Variants in RANBP2 observed in about 807,000 individuals in gnomAD.
RANBP2 encodes the protein E3 SUMO-protein ligase RanBP2.
Under a neutral mutation model 303.6 loss-of-function variants are expected in RANBP2, and 57 were observed. The ratio of observed to expected loss-of-function variants is 0.19; its 90% CI spans 0.15 to 0.23. The LOEUF is 0.23. Ranked by LOEUF, RANBP2 falls within the 10% of genes least tolerant of loss-of-function variation. The pLI, the probability that RANBP2 is intolerant of heterozygous loss-of-function variation, is 1.00. For synonymous variants in RANBP2, 1,167 were observed against 1,301.5 expected, an observed-to-expected ratio of 0.90 and a Z score of 2.23; for missense variants, 3,138 against 3,780.8, an observed-to-expected ratio of 0.83 and a Z score of 4.46.
the RANBP2 span, among the ~76,000 whole-genome samples, chr2:109,486,641 G>A: frequency 3.9e-5 from 6 of 152,288 alleles, no homozygotes; most frequent in East Asian, 1.9e-4. Context: ...GAAACAAAAC[G>A]CAGGTGGTGG....
the RANBP2 span, among the ~76,000 whole-genome samples, chr2:108,991,717 T>C: frequency 6.6e-5 from 10 of 152,200 alleles, no homozygotes; most frequent in African/African-American, 2.4e-4. Context: ...TAAAAAACAC[T>C]CAGGGGTTGG....
At chr2:109,794,725 C>G in the RANBP2 span, 1 of 602,066 alleles carries the variant, frequency 1.7e-6, no homozygotes, top group Non-Finnish European at 1.9e-6. Context: ...CTGTGGGCGG[C>G]GTGGCGCTTG....
chr2:109,567,874 G>C, the RANBP2 span: 1 of 1,613,890 alleles, frequency 6.2e-7, no homozygotes, highest in Non-Finnish European at 8.5e-7. Flanking sequence ...TGGTATATCT[G>C]GACGCCATTG....
At chr2:108,775,709 A>G (rs768298228) in intron 23 of RANBP2, 23 bp from the exon 24 acceptor site, 2 of 1,612,406 alleles carry the variant, frequency 1.2e-6, no homozygotes, top group Non-Finnish European at 1.7e-6. Flanking sequence ...GTGGCATAGT[A>G]TTTTGTGACT....
the RANBP2 span, among the ~76,000 whole-genome samples, chr2:109,466,006 A>G: frequency 2.0e-5 from 3 of 150,680 alleles, no homozygotes; most frequent in African/African-American, 4.9e-5. Context: ...GTGGGGACAC[A>G]GGTTCAAACC....
chr2:109,130,632 T>C, the RANBP2 span, among the ~76,000 whole-genome samples: 1 of 152,096 alleles, frequency 6.6e-6, no homozygotes, highest in East Asian at 1.9e-4. Flanking sequence ...CTTCTAGTAG[T>C]CTGGAAGGAG....
the RANBP2 span, among the ~76,000 whole-genome samples, chr2:109,517,240 G>A: frequency 5.9e-5 from 9 of 151,838 alleles, no homozygotes; most frequent in African/African-American, 1.9e-4. Flanking sequence ...AGCATCGCCC[G>A]CCCCCTCCCA....
the RANBP2 span, among the ~76,000 whole-genome samples, chr2:109,233,945 A>G: frequency 2.6e-5 from 4 of 152,218 alleles, no homozygotes; most frequent in Non-Finnish European, 5.9e-5. Flanking sequence ...TTGCATATCC[A>G]TTTAACACTG....
the RANBP2 span, among the ~76,000 whole-genome samples, chr2:108,994,974 C>T: frequency 9.9e-5 from 15 of 151,400 alleles, no homozygotes; most frequent in East Asian, 1.2e-3. Flanking sequence ...GGACTACAGG[C>T]GCCCGCCACC....
the RANBP2 span, among the ~76,000 whole-genome samples, chr2:109,135,259 C>T: frequency 2.6e-5 from 4 of 152,298 alleles, no homozygotes; most frequent in African/African-American, 9.6e-5. Context: ...TGTCTGAAGC[C>T]CACACACAGG....
At position 108,782,879 on chromosome 2, in the gene RANBP2, A is replaced by T; in HGVS notation, c.9369+17A>T. On this transcript the variant is annotated intron_variant, in intron 28 of 28. Coordinates refer to ENST00000283195, the MANE Select transcript of RANBP2 (RefSeq NM_006267.5). ...GTTTGCCAAGTAGGTATTATTAAGT[A>T]CATACCACAATTGAGGTCTTGAAGA... is the stretch of plus-strand genomic sequence containing the variant. 1 of 1,592,578 alleles carries T rather than the reference A, an allele frequency of 6.3e-7. No homozygotes were observed. The highest frequency in any genetic ancestry group is 8.6e-7 in the Non-Finnish European group (1 of 1,164,428).
the RANBP2 span, among the ~76,000 whole-genome samples, chr2:109,603,502 G>C: frequency 6.6e-6 from 1 of 152,044 alleles, no homozygotes; most frequent in African/African-American, 2.4e-5. Flanking sequence ...GCCTCCCAAA[G>C]AGCTGGGATT....
At chr2:109,006,972 A>G in the RANBP2 span, among the ~76,000 whole-genome samples, 1 of 152,232 alleles carries the variant, frequency 6.6e-6, no homozygotes, top group Non-Finnish European at 1.5e-5. Flanking sequence ...ATTAAAAATG[A>G]TTGTTAAATT....
the RANBP2 span, among the ~76,000 whole-genome samples, chr2:109,292,461 A>G: frequency 2.1e-4 from 32 of 152,358 alleles, no homozygotes; most frequent in Non-Finnish European, 3.7e-4. Context: ...AGGATATTTC[A>G]TAGCTGTGGA....
chr2:109,593,018 A>G, the RANBP2 span: 3 of 1,424,782 alleles, frequency 2.1e-6, no homozygotes, highest in South Asian at 4.4e-5. Context: ...CATTTAGAGT[A>G]CAATATGGTA....
At chr2:109,029,228 A>G in the RANBP2 span, among the ~76,000 whole-genome samples, 1 of 152,186 alleles carries the variant, frequency 6.6e-6, no homozygotes, top group Admixed American at 6.5e-5. Flanking sequence ...CCTTCATGTC[A>G]ACACTGAGTC....
the RANBP2 span, among the ~76,000 whole-genome samples, chr2:109,490,107 C>T: frequency 6.6e-6 from 1 of 152,202 alleles, no homozygotes; most frequent in Admixed American, 6.5e-5. Flanking sequence ...TTTAAAGTTT[C>T]CTGATGGAAC....
chr2:109,051,876 G>A, the RANBP2 span, among the ~76,000 whole-genome samples: 2,665 of 152,066 alleles, frequency 0.018, 40 homozygotes, highest in Middle Eastern at 0.078. Flanking sequence ...AGCATCCCGA[G>A]TAGCTGGGAC....
At chr2:109,022,207 T>C in the RANBP2 span, among the ~76,000 whole-genome samples, 1 of 152,308 alleles carries the variant, frequency 6.6e-6, no homozygotes, top group Admixed American at 6.5e-5. Context: ...GGCCCAGGCA[T>C]GCGAAGTGGG....
Sources: allele counts gnomAD v4.1 joint callset (sites outside exome capture counted in the v4.1 genomes callset), GRCh38; gene constraint gnomAD v4.1.1; transcripts MANE v1.5; gene names NCBI Gene and HGNC (gene_info 2026-07-23, HGNC 2026-07-21).